Variants in FTO observed in about 807,000 individuals in gnomAD.
The protein encoded by FTO is FTO alpha-ketoglutarate dependent dioxygenase, also known as alpha-ketoglutarate-dependent dioxygenase FTO.
A neutral mutation model predicts 63.9 loss-of-function variants in FTO; 47 were observed. The observed-to-expected ratio is 0.74, with a 90% CI of 0.58 to 0.94. The LOEUF is 0.94. Ranked by LOEUF, FTO falls within the 40% of genes least tolerant of loss-of-function variation. The pLI, the probability that FTO is intolerant of heterozygous loss-of-function variation, is 0.00. For synonymous variants in FTO, 207 were observed against 224.4 expected (o/e 0.92, Z 0.69); for missense variants, 562 against 618.1 (o/e 0.91, Z 0.96).
At chr16:54,107,563 C>A (rs188151444) in intron 8 of FTO, among the ~76,000 whole-genome samples, 7 of 152,326 alleles carry the variant, frequency 4.6e-5, no homozygotes, top group African/African-American at 1.7e-4. Context: ...TCTGCACACA[C>A]TACGCTGTAT....
At chr16:53,930,750 C>G (rs1020857762) in intron 7 of FTO, among the ~76,000 whole-genome samples, 1 of 152,146 alleles carries the variant, frequency 6.6e-6, no homozygotes, top group Admixed American at 6.5e-5. Context: ...GTTTAGGAAA[C>G]TCTTGAACTT....
chr16:53,945,212 C>T (rs1423279035), intron 8 of FTO, among the ~76,000 whole-genome samples: 1 of 152,224 alleles, frequency 6.6e-6, no homozygotes, highest in East Asian at 1.9e-4. Flanking sequence ...GTGGATGTTA[C>T]TCCTGATGGG....
chr16:53,886,792 C>T (rs2081009324), intron 6 of FTO: 1 of 152,226 alleles, frequency 6.6e-6, no homozygotes, highest in African/African-American at 2.4e-5. Context: ...TTTTGTTTGC[C>T]TCATGAAAGT....
chr16:53,722,290 A>T (rs984017474), intron 1 of FTO, among the ~76,000 whole-genome samples: 2 of 152,168 alleles, frequency 1.3e-5, no homozygotes, highest in African/African-American at 4.8e-5. Flanking sequence ...ATACACAGTA[A>T]TTCTCTTTTC....
chr16:54,089,671 T>G (rs573403513), intron 8 of FTO, among the ~76,000 whole-genome samples: 231 of 151,536 alleles, frequency 1.5e-3, no homozygotes, highest in African/African-American at 5.5e-3. Context: ...ATGTAAAGAG[T>G]GCCTAAAACT....
intron 8 of FTO, among the ~76,000 whole-genome samples, chr16:54,091,852 A>G (rs1053725540): frequency 5.3e-5 from 8 of 152,222 alleles, no homozygotes; most frequent in African/African-American, 1.2e-4. Flanking sequence ...TTGCATCTGT[A>G]AGGTAGGGAT....
At chr16:53,872,836 G>A (rs979051284) in intron 4 of FTO, among the ~76,000 whole-genome samples, 2 of 152,144 alleles carry the variant, frequency 1.3e-5, no homozygotes, top group Non-Finnish European at 2.9e-5. Context: ...GGATGCCATT[G>A]CTGGAAACAT....
At chr16:54,059,154 G>A (rs1307055325) in intron 8 of FTO, among the ~76,000 whole-genome samples, 1 of 152,098 alleles carries the variant, frequency 6.6e-6, no homozygotes, top group Non-Finnish European at 1.5e-5. Context: ...CGATTGCCCT[G>A]GGCCACAGTG....
intron 8 of FTO, among the ~76,000 whole-genome samples, chr16:54,073,501 T>A (rs1057004100): frequency 1.1e-4 from 16 of 152,244 alleles, no homozygotes; most frequent in Non-Finnish European, 1.6e-4. Flanking sequence ...GTGGCTTTTT[T>A]AAAATAGTCC....
At chr16:53,960,383 C>T (rs1263496641) in intron 8 of FTO, among the ~76,000 whole-genome samples, 1 of 152,178 alleles carries the variant, frequency 6.6e-6, no homozygotes, top group Non-Finnish European at 1.5e-5. Context: ...GGCACTGGTG[C>T]AATGGTATCG....
intron 7 of FTO, among the ~76,000 whole-genome samples, chr16:53,927,778 C>T (rs999997863): frequency 2.0e-5 from 3 of 152,142 alleles, no homozygotes; most frequent in Non-Finnish European, 4.4e-5. Flanking sequence ...AAATAAAACC[C>T]ACCCTCAAAG....
chr16:53,949,663 T>C (rs2082724640), intron 8 of FTO, among the ~76,000 whole-genome samples: 1 of 150,636 alleles, frequency 6.6e-6, no homozygotes, highest in Non-Finnish European at 1.5e-5. Flanking sequence ...TATCAATGTT[T>C]ATAATCTCTG....
At chr16:53,997,108 A>G (rs1182401989) in intron 8 of FTO, among the ~76,000 whole-genome samples, 2 of 148,136 alleles carry the variant, frequency 1.4e-5, no homozygotes, top group Non-Finnish European at 3.0e-5. Context: ...GCAAGACTCT[A>G]TCTAAAGAAA....
intron 1 of FTO, among the ~76,000 whole-genome samples, chr16:53,738,242 G>A (rs1257605440): frequency 6.6e-6 from 1 of 151,950 alleles, no homozygotes; most frequent in African/African-American, 2.4e-5. Context: ...GGCTGGTCTC[G>A]AACTCCCCAC....
At chr16:53,796,945 C>T (rs2078088054) in intron 1 of FTO, among the ~76,000 whole-genome samples, 1 of 152,202 alleles carries the variant, frequency 6.6e-6, no homozygotes, top group African/African-American at 2.4e-5. Context: ...CTCCTTCTCT[C>T]CCCTAGTGGT....
At chr16:53,775,613 G>C (rs1424664625) in intron 1 of FTO, among the ~76,000 whole-genome samples, 1 of 152,098 alleles carries the variant, frequency 6.6e-6, no homozygotes, top group African/African-American at 2.4e-5. Context: ...TCCTTAGCTT[G>C]ACTTTCAGGA....
At chr16:53,709,796 C>A (rs1486469592) in intron 1 of FTO, among the ~76,000 whole-genome samples, 1 of 151,982 alleles carries the variant, frequency 6.6e-6, no homozygotes, top group Non-Finnish European at 1.5e-5. Flanking sequence ...TTTTAATGAA[C>A]CATTGCAGAG....
chr16:53,941,096 T>TCCAC (rs1424717261), intron 8 of FTO, among the ~76,000 whole-genome samples: 1 of 152,224 alleles, frequency 6.6e-6, no homozygotes, highest in African/African-American at 2.4e-5. Flanking sequence ...TGAGGTGTTC[T>TCCAC]CCACCGGTAT....
At position 54,111,947 on chromosome 16, in the gene FTO, A is replaced by T. The variant is rs781021746; in HGVS notation, c.*32A>T. 6.2e-7 allele frequency: 1 copy of T among 1,612,750 alleles called. No homozygotes were observed. Among genetic ancestry groups the T allele is most frequent in the Non-Finnish European group, 8.5e-7 (1 of 1,179,166 alleles). On this transcript the variant is annotated 3_prime_UTR_variant, in exon 9 of 9. Coordinates refer to ENST00000471389, the MANE Select transcript of FTO (RefSeq NM_001080432.3). ...CACAAGTCTCAGGCGGAGGAGAAAAAGAGATCGGCTTTTCTCCTCCAACGT... is the reference window on the plus strand; with the variant it reads ...CACAAGTCTCAGGCGGAGGAGAAAATGAGATCGGCTTTTCTCCTCCAACGT...
Sources: allele counts gnomAD v4.1 joint callset (sites outside exome capture counted in the v4.1 genomes callset), GRCh38; gene constraint gnomAD v4.1.1; transcripts MANE v1.5; gene names NCBI Gene and HGNC (gene_info 2026-07-23, HGNC 2026-07-21).